Variants in NAALADL2 observed in about 807,000 individuals in gnomAD.
The protein encoded by NAALADL2 is N-acetylated alpha-linked acidic dipeptidase like 2, also known as inactive N-acetylated-alpha-linked acidic dipeptidase-like protein 2.
A neutral mutation model predicts 87.2 loss-of-function variants in NAALADL2; 76 were observed. That is an observed-to-expected ratio of 0.87 (90% CI 0.72 to 1.05). NAALADL2 has a LOEUF of 1.05. Among genes scored for constraint, NAALADL2 ranks in the 50% least tolerant of loss-of-function variants. The pLI is 0.00. For synonymous variants in NAALADL2, 354 were observed against 331.0 expected (o/e 1.07, Z -0.75); for missense variants, 1,089 against 945.8 (o/e 1.15, Z -1.99).
At chr3:175,665,313 A>G (rs1361389794) in intron 11 of NAALADL2, among the ~76,000 whole-genome samples, 3 of 152,244 alleles carry the variant, frequency 2.0e-5, no homozygotes, top group African/African-American at 7.2e-5. Flanking sequence ...ATCTTTTAAA[A>G]TATATTTTTT....
intron 1 of NAALADL2, among the ~76,000 whole-genome samples, chr3:174,472,500 G>A (rs566558615): frequency 6.6e-6 from 1 of 152,176 alleles, no homozygotes; most frequent in East Asian, 1.9e-4. Flanking sequence ...CAACAAAAGA[G>A]GGAGGGATCA....
In NAALADL2 at chr3:175,132,567, C is replaced by A. The variant is rs1364076648; in HGVS notation, c.545+35276C>A. 4.0e-5 allele frequency among the ~76,000 whole-genome samples: 4 copies of A among 100,356 alleles called. 1 individual carries two copies. Among genetic ancestry groups the A allele is most frequent in the Non-Finnish European group, 8.1e-5 (4 of 49,206 alleles). The allele number at this position is 100,356 out of a possible 152,430, so 65.8% of individuals were successfully genotyped here. On this transcript the variant is annotated intron_variant, in intron 2 of 13. Coordinates refer to ENST00000454872, the MANE Select transcript of NAALADL2 (RefSeq NM_207015.3). ...GAATGGCCGGGCGGGGGGGCTGACC[C>A]CCCCACCTCCCTCCCAGACGGGGCG...
chr3:175,560,708 G>A (rs540451856), intron 9 of NAALADL2, among the ~76,000 whole-genome samples: 6 of 152,138 alleles, frequency 3.9e-5, no homozygotes, highest in African/African-American at 7.2e-5. Flanking sequence ...TGCAACCTCC[G>A]CCTCCCGGGT....
chr3:175,455,324 T>C (rs1329440556), intron 6 of NAALADL2, among the ~76,000 whole-genome samples: 2 of 151,900 alleles, frequency 1.3e-5, no homozygotes, highest in African/African-American at 4.8e-5. Context: ...GGGTAGCAAA[T>C]AGATGTGAAT....
At chr3:174,832,404 T>C (rs866497014) in intron 3 of NAALADL2, among the ~76,000 whole-genome samples, 3 of 152,122 alleles carry the variant, frequency 2.0e-5, no homozygotes, top group South Asian at 2.1e-4. Flanking sequence ...TCAGTTTCCA[T>C]GTAGTTGAGC....
At chr3:175,287,186 C>G (rs1755087446) in intron 4 of NAALADL2, among the ~76,000 whole-genome samples, 1 of 152,068 alleles carries the variant, frequency 6.6e-6, no homozygotes, top group Non-Finnish European at 1.5e-5. Flanking sequence ...TTAACTATTT[C>G]CCCATGAAAG....
intron 12 of NAALADL2, among the ~76,000 whole-genome samples, chr3:175,743,348 G>A (rs1745507211): frequency 6.6e-6 from 1 of 152,154 alleles, no homozygotes; most frequent in African/African-American, 2.4e-5. Flanking sequence ...CCAGGAGAAG[G>A]TCAGAGACAA....
chr3:175,375,045 T>A (rs2148963794), intron 5 of NAALADL2, among the ~76,000 whole-genome samples: 1 of 152,264 alleles, frequency 6.6e-6, no homozygotes, highest in Admixed American at 6.5e-5. Context: ...AATCTTACTT[T>A]TCTTATTGAT....
intron 1 of NAALADL2, among the ~76,000 whole-genome samples, chr3:174,477,911 C>T (rs559710274): frequency 6.6e-5 from 10 of 152,132 alleles, no homozygotes; most frequent in Admixed American, 2.6e-4. Context: ...AACTGTAGTG[C>T]AAAGAGTGAA....
intron 1 of NAALADL2, among the ~76,000 whole-genome samples, chr3:175,038,880 C>T (rs1285349214): frequency 6.6e-6 from 1 of 151,850 alleles, no homozygotes; most frequent in African/African-American, 2.4e-5. Flanking sequence ...ATTAATATTG[C>T]GTTGGGACCA....
chr3:175,675,617 A>C (rs1388629393), intron 11 of NAALADL2: 1 of 152,224 alleles, frequency 6.6e-6, no homozygotes, highest in African/African-American at 2.4e-5. Flanking sequence ...GTAATAATTC[A>C]TGACAAATTT....
chr3:174,964,761 A>G (rs1239776844), intron 1 of NAALADL2, among the ~76,000 whole-genome samples: 3 of 152,018 alleles, frequency 2.0e-5, no homozygotes, highest in Non-Finnish European at 4.4e-5. Context: ...TAGTAGTAAT[A>G]GTAATTTTAA....
At chr3:175,323,957 G>T (rs1358043186) in intron 4 of NAALADL2, among the ~76,000 whole-genome samples, 3 of 148,592 alleles carry the variant, frequency 2.0e-5, no homozygotes, top group Non-Finnish European at 3.0e-5. Context: ...GGTGGAGGTT[G>T]CAGTGAGCTG....
chr3:175,694,650 A>C (rs1681453861), intron 11 of NAALADL2, among the ~76,000 whole-genome samples: 1 of 152,158 alleles, frequency 6.6e-6, no homozygotes, highest in Admixed American at 6.6e-5. Flanking sequence ...TAAGGAAGGA[A>C]CCAGCATTGC....
At chr3:174,786,020 G>A (rs923289863) in intron 3 of NAALADL2, among the ~76,000 whole-genome samples, 1 of 152,118 alleles carries the variant, frequency 6.6e-6, no homozygotes, top group Non-Finnish European at 1.5e-5. Context: ...ATTAGCTGTG[G>A]CATCTTTATA....
intron 3 of NAALADL2, among the ~76,000 whole-genome samples, chr3:174,797,298 C>A (rs13096952): frequency 5.1e-5 from 5 of 97,734 alleles, no homozygotes; most frequent in African/African-American, 2.4e-4. Flanking sequence ...TTTTGTTTTT[C>A]TTTTTTCTTT....
intron 2 of NAALADL2, among the ~76,000 whole-genome samples, chr3:174,581,172 G>T (rs1229456468): frequency 1.3e-5 from 2 of 152,108 alleles, no homozygotes; most frequent in African/African-American, 4.8e-5. Flanking sequence ...TCATTACACT[G>T]TTTTTGAGTT....
intron 2 of NAALADL2, among the ~76,000 whole-genome samples, chr3:175,127,063 A>G (rs1484915462): frequency 6.6e-6 from 1 of 151,970 alleles, no homozygotes; most frequent in Non-Finnish European, 1.5e-5. Flanking sequence ...CATTGCTTTG[A>G]GCTTGGCCTC....
chr3:175,698,299 A>ATATGTGTATATATGTATGTGTATTTATG lies in NAALADL2; in HGVS notation c.1897-38945_1897-38918dup, dbSNP rs1489343795. Among the ~76,000 whole-genome samples, 257 of 87,072 alleles carry ATATGTGTATATATGTATGTGTATTTATG rather than the reference A, an allele frequency of 3.0e-3. 12 individuals are homozygous for ATATGTGTATATATGTATGTGTATTTATG. Among genetic ancestry groups the ATATGTGTATATATGTATGTGTATTTATG allele is most frequent in the Non-Finnish European group, 3.9e-3 (187 of 48,344 alleles). The allele number at this position is 87,072 out of a possible 152,430, so 57.1% of individuals were successfully genotyped here. ...TGTGTATATATGTATGTATACATATATATGTGTATATATGTATGTGTATTT... is the reference window on the plus strand; with the variant it reads ...TGTGTATATATGTATGTATACATATATATGTGTATATATGTATGTGTATTTATGTATGTGTATATATGTATGTGTATTT... On this transcript the variant is annotated intron_variant, in intron 11 of 13. Coordinates refer to ENST00000454872, the MANE Select transcript of NAALADL2 (RefSeq NM_207015.3).
Sources: allele counts gnomAD v4.1 joint callset (sites outside exome capture counted in the v4.1 genomes callset), GRCh38; gene constraint gnomAD v4.1.1; transcripts MANE v1.5; gene names NCBI Gene and HGNC (gene_info 2026-07-23, HGNC 2026-07-21).